SCUBE1: variants seen among roughly 807,000 people sequenced by gnomAD.
SCUBE1 encodes signal peptide, CUB domain and EGF like domain containing 1.
In SCUBE1, 59 loss-of-function variants were observed where a neutral mutation model predicts 124.4. That is an observed-to-expected ratio of 0.47 (90% CI 0.38 to 0.59). The LOEUF (loss-of-function observed/expected upper bound fraction) is 0.59. SCUBE1 is among the 20% of genes least tolerant of loss of function. SCUBE1 has a pLI of 0.00. For missense variants in SCUBE1, 1,150 were observed against 1,371.2 expected (o/e 0.84, Z 2.55); for synonymous variants, 545 against 550.9 (o/e 0.99, Z 0.15).
At position 43,214,228 on chromosome 22, in the gene SCUBE1, A is replaced by T. The variant is rs565700154; in HGVS notation, c.1915T>A (p.Phe639Ile). Residue 639 changes from phenylalanine to isoleucine, a missense_variant, in exon 16 of 22, where the codon TTC (phenylalanine) becomes ATC (isoleucine). Physicochemically the swap from Phe to Ile is conservative, Grantham distance 21. This residue lies in a region of SCUBE1 where 757 missense variants were observed against 840.9 expected (regional missense o/e 0.90). Transcript: ENST00000360835. ...ACACACTGGCCGAGCTCACCACCGA[A>T]GTGGGTGCCAGGCCCACAGGCAACT... The part of the protein sequence containing the change: ...KCVACGPGTH[F>I]GGELGQCVSC... The T allele has an allele frequency of 3.1e-6, 5 of 1,612,360 alleles. No homozygotes were observed. Among genetic ancestry groups the T allele is most frequent in the Non-Finnish European group, 4.2e-6 (5 of 1,179,602 alleles).
At chr22:43,221,018 T>A (rs756440982) in intron 13 of SCUBE1, among the ~76,000 whole-genome samples, 155 bp downstream of exon 13, 5 of 152,124 alleles carry the variant, frequency 3.3e-5, no homozygotes, top group South Asian at 2.1e-4. Context: ...GCCTGCAATG[T>A]CCTTGGAAAC....
At chr22:43,250,377 G>T (rs775017900) in intron 6 of SCUBE1, among the ~76,000 whole-genome samples, 1 of 152,162 alleles carries the variant, frequency 6.6e-6, no homozygotes, top group Admixed American at 6.5e-5. Flanking sequence ...CTAATAGTAC[G>T]GAGGGACAGG....
At chr22:43,208,796 G>T (rs76928816) in intron 19 of SCUBE1, among the ~76,000 whole-genome samples, 3,784 of 152,324 alleles carry the variant, frequency 0.025, 165 homozygotes, top group African/African-American at 0.079. Flanking sequence ...GTGACCGGCA[G>T]GTGAATCTTC....
rs1226034423 is a variant in SCUBE1 at position 43,198,440 on chromosome 22, G to C, written c.*5557C>G. Reference sequence around the variant, plus strand: ...TCCAAGAGCAAGGCAGGTGGGATCAGGCCAACCCCAGCTCTGCCTGCCCAG... The same window carrying C: ...TCCAAGAGCAAGGCAGGTGGGATCACGCCAACCCCAGCTCTGCCTGCCCAG... On this transcript the variant is annotated 3_prime_UTR_variant, in exon 22 of 22. Transcript: ENST00000360835. The C allele has an allele frequency of 2.4e-6, 1 of 413,836 alleles. No individual in the cohort carries two copies. The highest frequency in any genetic ancestry group is 1.8e-5 in the South Asian group (1 of 56,250). 25.6% of individuals were successfully genotyped at this position (413,836 alleles called of 1,614,324 possible).
At chr22:43,265,626 G>A (rs1232260590) in intron 4 of SCUBE1, among the ~76,000 whole-genome samples, 4 of 152,228 alleles carry the variant, frequency 2.6e-5, no homozygotes, top group Admixed American at 2.6e-4. Context: ...GAGAGCAAGG[G>A]ACGGGCCAGT....
At chr22:43,325,903 G>A (rs1015068861) in intron 2 of SCUBE1, among the ~76,000 whole-genome samples, 4 of 151,288 alleles carry the variant, frequency 2.6e-5, no homozygotes, top group Non-Finnish European at 4.4e-5. Flanking sequence ...TGCCAGCAAC[G>A]CAGGTTTGGA....
chr22:43,241,945 G>A (rs961317151), intron 6 of SCUBE1, among the ~76,000 whole-genome samples: 2 of 152,242 alleles, frequency 1.3e-5, no homozygotes, highest in African/African-American at 2.4e-5. Context: ...ACCTCTTCCC[G>A]CTTCGGGGCC....
At chr22:43,327,786 C>CAAATA (rs962883204) in intron 2 of SCUBE1, among the ~76,000 whole-genome samples, 5 of 151,722 alleles carry the variant, frequency 3.3e-5, no homozygotes, top group African/African-American at 9.7e-5. Flanking sequence ...GACTCTGTCT[C>CAAATA]AAATAAAATA....
Position 43,234,617 on chromosome 22 carries a change from G to T in SCUBE1, c.845-2742C>A, listed in dbSNP as rs1037518564. 6.6e-6 allele frequency among the ~76,000 whole-genome samples: 1 copy of T among 152,212 alleles called. No individual in the cohort carries two copies. Among genetic ancestry groups the T allele is most frequent in the Admixed American group, 6.5e-5 (1 of 15,282 alleles). ...CCTCCTCACACTACCTCAGGATATAGTGAAGGGGGTGCTGGGCTCATGGCC... is the reference window on the plus strand; with the variant it reads ...CCTCCTCACACTACCTCAGGATATATTGAAGGGGGTGCTGGGCTCATGGCC... On this transcript the variant is annotated intron_variant, in intron 7 of 21. Coordinates refer to ENST00000360835, the MANE Select transcript of SCUBE1 (RefSeq NM_173050.5). This position sits in a 1 kb window ranked among gnomAD's most constrained non-coding sequence, Gnocchi z 4.4.
chr22:43,333,010 C>G (rs1569035043), intron 2 of SCUBE1, among the ~76,000 whole-genome samples: 2 of 152,194 alleles, frequency 1.3e-5, no homozygotes, highest in Non-Finnish European at 1.5e-5. Context: ...TGGGAGCTGA[C>G]AGGTCCCAGA....
At chr22:43,327,340 C>A (rs954193101) in intron 2 of SCUBE1, among the ~76,000 whole-genome samples, 12 of 152,088 alleles carry the variant, frequency 7.9e-5, no homozygotes, top group African/African-American at 2.9e-4. Context: ...ATCACATAGT[C>A]GATGGTTCTA....
chr22:43,227,292 C>G, intron 10 of SCUBE1, 82 bp downstream of exon 10: 1 of 1,474,510 alleles, frequency 6.8e-7, no homozygotes, highest in African/African-American at 1.4e-5. Context: ...GTCCTGCTCA[C>G]CCCCACCTCA....
intron 15 of SCUBE1, among the ~76,000 whole-genome samples, chr22:43,215,107 T>C (rs1047979054): frequency 6.6e-6 from 1 of 152,224 alleles, no homozygotes; most frequent in African/African-American, 2.4e-5. Flanking sequence ...TTTTGGTTTC[T>C]ACCCATCATC....
intron 6 of SCUBE1, among the ~76,000 whole-genome samples, chr22:43,247,157 A>G (rs2146694575): frequency 6.6e-6 from 1 of 152,302 alleles, no homozygotes; most frequent in East Asian, 1.9e-4. Flanking sequence ...TGACATGCTC[A>G]TGGCCAGTGA....
At chr22:43,342,015 T>C (rs1601907109) in intron 1 of SCUBE1, among the ~76,000 whole-genome samples, 1 of 151,108 alleles carries the variant, frequency 6.6e-6, no homozygotes, top group South Asian at 2.1e-4. Context: ...CCAGGAGGGG[T>C]GTTGCTGTGG....
chr22:43,271,740 AC>A (rs1313924565), intron 4 of SCUBE1, among the ~76,000 whole-genome samples: 1 of 151,944 alleles, frequency 6.6e-6, no homozygotes, highest in Non-Finnish European at 1.5e-5. Flanking sequence ...GAGCCCAGCC[AC>A]CCCCAGGCAG....
chr22:43,230,418 G>A lies in SCUBE1; in HGVS notation c.968-1230C>T, dbSNP rs550987190. Among the ~76,000 whole-genome samples, 10 of 150,420 alleles carry A rather than the reference G, an allele frequency of 6.6e-5. No individual in the cohort carries two copies. In the East Asian group the frequency reaches 2.0e-3, roughly 30 times the overall value. Reference sequence around the variant, plus strand: ...TGGAGCCCAGAGCCCCAAGGCCTCAGAAAGATGAGCCTGGAAGGGGGTGGA... The same window carrying A: ...TGGAGCCCAGAGCCCCAAGGCCTCAAAAAGATGAGCCTGGAAGGGGGTGGA... On this transcript the variant is annotated intron_variant, in intron 8 of 21. Transcript: ENST00000360835.
Position 43,279,887 on chromosome 22 carries a change from C to T in SCUBE1, c.484+11159G>A, listed in dbSNP as rs576881370. ...TGTGGTCACTAAAGTGCAGTACAGA[C>T]GGCAGAAGAATCCTGATGTCCCCAG... On this transcript the variant is annotated intron_variant, in intron 4 of 21. Coordinates refer to ENST00000360835, the MANE Select transcript of SCUBE1 (RefSeq NM_173050.5). 1.5e-3 allele frequency among the ~76,000 whole-genome samples: 221 copies of T among 152,282 alleles called. 1 individual carries two copies. The highest frequency in any genetic ancestry group is 2.0e-3 in the Non-Finnish European group (134 of 68,006).
At chr22:43,222,610 T>G (rs1265389885) in intron 12 of SCUBE1, 28 bp downstream of exon 12, 2 of 1,479,848 alleles carry the variant, frequency 1.4e-6, no homozygotes, top group Admixed American at 2.0e-5. Flanking sequence ...CCCAGTGGCA[T>G]GCAGCATGGA....
Sources: gnomAD v4.1 joint callset for allele counts (sites outside exome capture counted in the v4.1 genomes callset) on GRCh38, gnomAD v4.1.1 for gene constraint, gnomAD v4.1.1 regional missense constraint, Gnocchi (gnomAD v3.1) non-coding constraint, MANE v1.5 for transcripts, NCBI Gene and HGNC (gene_info 2026-07-23, HGNC 2026-07-21) for gene names.